DIAPH3: variants seen among roughly 807,000 people sequenced by gnomAD.
DIAPH3 encodes protein diaphanous homolog 3.
In DIAPH3, 117 loss-of-function variants were observed where a neutral mutation model predicts 144.3. That is an observed-to-expected ratio of 0.81 (90% CI 0.70 to 0.95). The LOEUF is 0.95. DIAPH3 is among the 40% of genes least tolerant of loss of function. DIAPH3 has a pLI of 0.00. For synonymous variants in DIAPH3, 519 were observed against 488.9 expected (o/e 1.06, Z -0.81); for missense variants, 1,421 against 1,412.7 (o/e 1.01, Z -0.09).
chr13:60,028,108 C>T (rs945818386), intron 5 of DIAPH3, among the ~76,000 whole-genome samples: 4 of 152,124 alleles, frequency 2.6e-5, no homozygotes, highest in African/African-American at 4.8e-5. Context: ...TTCACATTTC[C>T]TTCTTCTTTG....
intron 27 of DIAPH3, among the ~76,000 whole-genome samples, chr13:59,699,281 T>TG (rs1243572877): frequency 1.3e-5 from 2 of 152,172 alleles, no homozygotes; most frequent in Admixed American, 6.5e-5. Context: ...TAGGAATAGA[T>TG]GGAGTGAGTA....
At chr13:59,894,021 G>A (rs1455034873) in intron 20 of DIAPH3, among the ~76,000 whole-genome samples, 1 of 151,890 alleles carries the variant, frequency 6.6e-6, no homozygotes, top group Admixed American at 6.6e-5. Context: ...AAATAAATTG[G>A]TAGCCTTTCA....
At chr13:60,150,316 C>T (rs186655018) in intron 1 of DIAPH3, among the ~76,000 whole-genome samples, 7 of 152,176 alleles carry the variant, frequency 4.6e-5, no homozygotes, top group South Asian at 2.1e-4. Context: ...TGAGCCACCG[C>T]GCCTGGCCGC....
intron 4 of DIAPH3, among the ~76,000 whole-genome samples, chr13:60,083,180 A>G (rs2057622004): frequency 6.6e-6 from 1 of 152,080 alleles, no homozygotes; most frequent in Non-Finnish European, 1.5e-5. Context: ...AAGATGGGAC[A>G]ATTTGATCTT....
intron 27 of DIAPH3, among the ~76,000 whole-genome samples, chr13:59,757,337 T>C (rs1241729043): frequency 2.0e-5 from 3 of 150,032 alleles, no homozygotes; most frequent in East Asian, 1.9e-4. Flanking sequence ...TAAAAAAAAA[T>C]TGAAAAACAT....
In DIAPH3 at chr13:60,163,668, G is replaced by T. The variant is rs776871596; in HGVS notation, c.99C>A (p.Ser33Arg). 4 of 1,607,850 alleles carry T rather than the reference G, an allele frequency of 2.5e-6. No homozygotes were observed. Among genetic ancestry groups the T allele is most frequent in the Non-Finnish European group, 2.6e-6 (3 of 1,175,650 alleles). Residue 33 changes from serine (S) to arginine (R), a missense_variant, in exon 1 of 28, where the codon AGC becomes AGA. By Grantham distance (110) the Ser-to-Arg change is moderately radical. Transcript: ENST00000400324. The part of the protein sequence containing the change: ...SSASLRGCRE[S>R]KMPRRKGPQH... ...GGGGGCCCTTCCTGCGCGGCATCTT[G>T]CTTTCCCGGCAGCCGCGGAGAGAGG... is the stretch of plus-strand genomic sequence containing the variant.
chr13:60,058,460 C>A lies in DIAPH3; in HGVS notation c.496-15640G>T, dbSNP rs148057808. The stretch of plus-strand genomic sequence containing the variant: ...CTGGTGGGGATTTAAATTAGTACAA[C>A]CTTCATGGAAAACAGTAGGGAGATT... On this transcript the variant is annotated intron_variant, in intron 4 of 27. Coordinates refer to ENST00000400324, the MANE Select transcript of DIAPH3 (RefSeq NM_001042517.2). 2.2e-3 allele frequency among the ~76,000 whole-genome samples: 340 copies of A among 152,116 alleles called. 2 individuals carry two copies. Among genetic ancestry groups the A allele is most frequent in the African/African-American group, 7.8e-3 (324 of 41,542 alleles).
chr13:59,891,314 T>A (rs752589429), intron 20 of DIAPH3, among the ~76,000 whole-genome samples: 18 of 152,070 alleles, frequency 1.2e-4, no homozygotes, highest in Non-Finnish European at 1.5e-5. Context: ...AGTATGTGAC[T>A]ATAATGATGT....
chr13:59,920,286 A>G lies in DIAPH3; in HGVS notation c.2171-4037T>C, dbSNP rs544553550. ...ATGAAAACAAAACAAAACTACAACT[A>G]TATGCTGACTATTGAAGACTAACTT... On this transcript the variant is annotated intron_variant, in intron 18 of 27. Coordinates refer to ENST00000400324, the MANE Select transcript of DIAPH3 (RefSeq NM_001042517.2). Among the ~76,000 whole-genome samples the G allele has an allele frequency of 4.6e-5, 7 of 152,008 alleles. No individual in the cohort carries two copies. In the South Asian group the frequency reaches 1.5e-3, roughly 32 times the overall value.
chr13:60,087,442 C>T lies in DIAPH3; in HGVS notation c.495+6186G>A, dbSNP rs1385109680. Reference sequence around the variant, plus strand: ...ATATATCCATACACACAAATATATACATACACACAAGAAACTATAATTCTA... The same window carrying T: ...ATATATCCATACACACAAATATATATATACACACAAGAAACTATAATTCTA... On this transcript the variant is annotated intron_variant, in intron 4 of 27. Coordinates refer to ENST00000400324, the MANE Select transcript of DIAPH3 (RefSeq NM_001042517.2). Among the ~76,000 whole-genome samples the T allele has an allele frequency of 9.2e-5, 14 of 152,252 alleles. No individual in the cohort carries two copies. In the East Asian group the frequency reaches 2.7e-3, roughly 29 times the overall value.
At chr13:59,709,042 T>C (rs1335710408) in intron 27 of DIAPH3, among the ~76,000 whole-genome samples, 4 of 151,584 alleles carry the variant, frequency 2.6e-5, no homozygotes, top group Non-Finnish European at 4.4e-5. Context: ...ACATATAAAC[T>C]CTTTAAAATC....
At chr13:59,710,146 G>A (rs1185271694) in intron 27 of DIAPH3, among the ~76,000 whole-genome samples, 2 of 151,836 alleles carry the variant, frequency 1.3e-5, no homozygotes, top group Non-Finnish European at 2.9e-5. Context: ...CCTAATGCTA[G>A]ATGACGAGTT....
chr13:59,681,576 C>G (rs1337520034), intron 27 of DIAPH3, among the ~76,000 whole-genome samples: 1 of 151,892 alleles, frequency 6.6e-6, no homozygotes, highest in Non-Finnish European at 1.5e-5. Context: ...TTCTCACCAA[C>G]TTATTAATAA....
chr13:59,851,635 C>CTTTT (rs200870976), intron 22 of DIAPH3, among the ~76,000 whole-genome samples: 8 of 112,380 alleles, frequency 7.1e-5, no homozygotes, highest in Admixed American at 9.7e-5. Flanking sequence ...ATAGATGAAT[C>CTTTT]TTTTTTTTTT....
intron 20 of DIAPH3, among the ~76,000 whole-genome samples, chr13:59,890,488 T>C (rs184678379): frequency 6.6e-6 from 1 of 152,074 alleles, no homozygotes; most frequent in Admixed American, 6.6e-5. Context: ...AGTTTATATA[T>C]GTTTTGTTAT....
chr13:59,930,399 A>T (rs2047967497), intron 17 of DIAPH3, among the ~76,000 whole-genome samples: 1 of 152,200 alleles, frequency 6.6e-6, no homozygotes, highest in South Asian at 2.1e-4. Context: ...GAGCACCCTA[A>T]CTATGCTTGT....
chr13:60,051,067 A>G (rs2056320772), intron 4 of DIAPH3, among the ~76,000 whole-genome samples: 1 of 152,150 alleles, frequency 6.6e-6, no homozygotes, highest in South Asian at 2.1e-4. Flanking sequence ...GTGACCTTGA[A>G]AAGACCCGTT....
At chr13:59,726,410 G>A (rs532165441) in intron 27 of DIAPH3, among the ~76,000 whole-genome samples, 2 of 152,250 alleles carry the variant, frequency 1.3e-5, no homozygotes, top group South Asian at 4.2e-4. Context: ...TTGGGAAAGG[G>A]CAGCCATCGG....
In DIAPH3 at chr13:59,814,281, A is replaced by G. The variant is rs2040650061; in HGVS notation, c.3028-3358T>C. Among the ~76,000 whole-genome samples the G allele has an allele frequency of 3.9e-5, 6 of 152,206 alleles. No homozygotes were observed. In the South Asian group the frequency reaches 1.2e-3, roughly 32 times the overall value. ...AGTGAAAATTACTTTTCCAAGACCT[A>G]TAAAACAATGTTTACATTTAGAAAT... On this transcript the variant is annotated intron_variant, in intron 24 of 27. Transcript: ENST00000400324.
Sources: gnomAD v4.1 joint callset for allele counts (sites outside exome capture counted in the v4.1 genomes callset) on GRCh38, gnomAD v4.1.1 for gene constraint, MANE v1.5 for transcripts, NCBI Gene and HGNC (gene_info 2026-07-23, HGNC 2026-07-21) for gene names.